LYAR: variants seen among roughly 807,000 people sequenced by gnomAD.
The protein encoded by LYAR is Ly1 antibody reactive, also known as cell growth-regulating nucleolar protein.
A neutral mutation model predicts 45.2 loss-of-function variants in LYAR; 37 were observed. That is an observed-to-expected ratio of 0.82 (90% CI 0.63 to 1.08). LYAR has a LOEUF of 1.08. Among genes scored for constraint, LYAR ranks in the 50% least tolerant of loss-of-function variants. The pLI, the probability that LYAR is intolerant of heterozygous loss-of-function variation, is 0.00. For missense variants in LYAR, 493 were observed against 451.0 expected (o/e 1.09, Z -0.84); for synonymous variants, 176 against 155.1 (o/e 1.14, Z -1.00).
chr4:4,280,120 G>A (rs988880949), intron 4 of LYAR, among the ~76,000 whole-genome samples: 3 of 152,280 alleles, frequency 2.0e-5, no homozygotes, highest in Admixed American at 1.3e-4. Context: ...AAATCAAGTT[G>A]CATTTTATAT....
chr4:4,283,691 C>T lies in LYAR; in HGVS notation c.52G>A (p.Val18Met). 1 of 1,612,576 alleles carries T rather than the reference C, an allele frequency of 6.2e-7. No homozygotes were observed. The highest frequency in any genetic ancestry group is 8.5e-7 in the Non-Finnish European group (1 of 1,179,522). Residue 18 changes from valine to methionine, a missense_variant, in exon 3 of 10, where the codon GTG becomes ATG. Coordinates refer to ENST00000343470, the MANE Select transcript of LYAR (RefSeq NM_017816.3). ...CTGCAAACAGACACATGCTTTTCCA[C>T]TTGTATTTTCTTCACTGATTCACCA... ...ACGESVKKIQ[V>M]EKHVSVCRNC... is the part of the protein sequence containing the mutation.
intron 8 of LYAR, among the ~76,000 whole-genome samples, chr4:4,272,383 C>T (rs1028630285): frequency 2.0e-5 from 3 of 152,180 alleles, no homozygotes; most frequent in African/African-American, 7.2e-5. Context: ...AGTTCCCAGA[C>T]CCCCAGTGGA....
intron 6 of LYAR, among the ~76,000 whole-genome samples, chr4:4,278,573 C>T (rs995442122): frequency 6.6e-6 from 1 of 152,172 alleles, no homozygotes. Flanking sequence ...CTGTGACCCC[C>T]TCACCCCTTA....
chr4:4,274,592 T>C lies in LYAR; in HGVS notation c.607A>G (p.Lys203Glu), dbSNP rs1263433529. The C allele has an allele frequency of 1.2e-6, 2 of 1,613,682 alleles. No homozygotes were observed. Among genetic ancestry groups the C allele is most frequent in the African/African-American group, 1.3e-5 (1 of 74,920 alleles). The change falls in exon 7 of 10, where the codon AAG becomes GAG. Residue 203 changes from lysine to glutamate, a missense_variant. By Grantham distance (56) the Lys-to-Glu change is moderately conservative. Coordinates refer to ENST00000343470, the MANE Select transcript of LYAR (RefSeq NM_017816.3). ...EERQKKRKRE[K>E]KELKLENHQE... ...TGGTTTTCTAACTTTAGTTCTTTCT[T>C]TTCTCTTTTCCTTTTCTTCTGCCGT...
chr4:4,283,533 G>T, intron 3 of LYAR, 88 bp downstream of exon 3: 1 of 1,351,260 alleles, frequency 7.4e-7, no homozygotes, highest in Non-Finnish European at 1.0e-6. Flanking sequence ...CTTCAAATTT[G>T]CCACTATTTT....
At chr4:4,283,956 C>A (rs1350208186) in intron 2 of LYAR, among the ~76,000 whole-genome samples, 161 bp from the exon 3 acceptor site, 1 of 152,206 alleles carries the variant, frequency 6.6e-6, no homozygotes. Context: ...GTAAAACTAA[C>A]ATTAACAATG....
Position 4,279,754 on chromosome 4 carries a change from A to G in LYAR, c.238-5T>C, listed in dbSNP as rs1560095535. 13 of 1,558,712 alleles carry G rather than the reference A, an allele frequency of 8.3e-6. No individual in the cohort carries two copies. In the South Asian group the frequency reaches 1.3e-4, roughly 15 times the overall value. On this transcript the variant is annotated splice_region_variant and splice_polypyrimidine_tract_variant and intron_variant, in intron 4 of 9. Coordinates refer to ENST00000343470, the MANE Select transcript of LYAR (RefSeq NM_017816.3). Reference sequence around the variant, plus strand: ...CTTTATTAATTCACTAATTTTCTACAAAAAGGGAAGAAAAAAGAAAAACTA... The same window carrying G: ...CTTTATTAATTCACTAATTTTCTACGAAAAGGGAAGAAAAAAGAAAAACTA...
At position 4,273,545 on chromosome 4, in the gene LYAR, TG is replaced by T. The variant is rs750692449; in HGVS notation, c.919+37del. 9 of 1,475,366 alleles carry T rather than the reference TG, an allele frequency of 6.1e-6. No individual in the cohort carries two copies. In the African/African-American group the frequency reaches 1.3e-4, roughly 21 times the overall value. 91.4% of individuals were successfully genotyped at this position (1,475,366 alleles called of 1,614,324 possible). On this transcript the variant is annotated intron_variant, in intron 8 of 9. Transcript: ENST00000343470. ...CTGGGACTATCAGCGAGAGCCGCTG[TG>T]CCCAGCCGTGCTCCTCAAATGACAG...
chr4:4,277,343 G>A (rs988154565), intron 6 of LYAR, among the ~76,000 whole-genome samples: 14 of 152,228 alleles, frequency 9.2e-5, no homozygotes, highest in East Asian at 1.9e-4. Context: ...CACTGTGCCC[G>A]CCATAAAATA....
intron 5 of LYAR, 27 bp from the exon 6 acceptor site, chr4:4,279,557 T>C: frequency 6.3e-7 from 1 of 1,576,116 alleles, no homozygotes; most frequent in East Asian, 2.2e-5. Flanking sequence ...GAAAAAGAAC[T>C]ATTGATCCCA....
Position 4,271,127 on chromosome 4 carries a change from T to C in LYAR, c.919+2456A>G, listed in dbSNP as rs141095076. 3.4e-3 allele frequency among the ~76,000 whole-genome samples: 517 copies of C among 152,276 alleles called. 4 individuals carry two copies. The highest frequency in any genetic ancestry group is 5.2e-3 in the Admixed American group (80 of 15,292). On this transcript the variant is annotated intron_variant, in intron 8 of 9. Transcript: ENST00000343470. ...GATCTTATTCATTCTATTTTCTTGA[T>C]ACCCATTAACCATCCCCACCTCTCC...
At chr4:4,288,206 C>T (rs1195145950) in intron 1 of LYAR, among the ~76,000 whole-genome samples, 2 of 152,140 alleles carry the variant, frequency 1.3e-5, no homozygotes, top group Admixed American at 6.5e-5. Flanking sequence ...AAGCTTCATC[C>T]CTGCCCAATT....
rs1719000683 is a variant in LYAR at position 4,272,946 on chromosome 4, CAGGAG to C, written c.919+632_919+636del. On this transcript the variant is annotated intron_variant, in intron 8 of 9. Transcript: ENST00000343470. ...TATGAGTGCTTCAGGCCTGAAGAAGCAGGAGAGAAGCTTTGTGTAAGAGACAGCAT... is the reference window on the plus strand; with the variant it reads ...TATGAGTGCTTCAGGCCTGAAGAAGCAGAAGCTTTGTGTAAGAGACAGCAT... 2.6e-5 allele frequency among the ~76,000 whole-genome samples: 4 copies of C among 152,230 alleles called. No homozygotes were observed. The South Asian group carries it at 8.3e-4, about 32-fold the overall frequency.
chr4:4,275,578 G>C (rs1462358530), intron 6 of LYAR, among the ~76,000 whole-genome samples: 1 of 151,902 alleles, frequency 6.6e-6, no homozygotes, highest in East Asian at 1.9e-4. Flanking sequence ...CCAAGTAGCT[G>C]GGACCACAGG....
At chr4:4,269,741 T>G (rs77381664) in intron 8 of LYAR, among the ~76,000 whole-genome samples, 1 of 151,992 alleles carries the variant, frequency 6.6e-6, no homozygotes, top group Non-Finnish European at 1.5e-5. Flanking sequence ...AACAACTAAC[T>G]CAAAATGGAT....
At chr4:4,280,084 T>G (rs143630276) in intron 4 of LYAR, among the ~76,000 whole-genome samples, 1 of 152,284 alleles carries the variant, frequency 6.6e-6, no homozygotes, top group East Asian at 1.9e-4. Flanking sequence ...TCCAGCAAAG[T>G]TGCAGGATAC....
intron 8 of LYAR, among the ~76,000 whole-genome samples, chr4:4,273,118 T>C (rs1240332565): frequency 6.6e-6 from 1 of 151,598 alleles, no homozygotes; most frequent in Admixed American, 6.6e-5. Flanking sequence ...GGCAAGAGAG[T>C]TGGGGAGGAG....
At chr4:4,271,847 C>T (rs1024009861) in intron 8 of LYAR, among the ~76,000 whole-genome samples, 2 of 152,146 alleles carry the variant, frequency 1.3e-5, no homozygotes, top group South Asian at 4.1e-4. Context: ...CCCAGGTGTC[C>T]CTCCACAGGT....
At chr4:4,275,280 T>C (rs1475632569) in intron 6 of LYAR, among the ~76,000 whole-genome samples, 2 of 152,184 alleles carry the variant, frequency 1.3e-5, no homozygotes, top group African/African-American at 2.4e-5. Flanking sequence ...CGAGGAAAGA[T>C]CCGTCATGTG....
Sources: allele counts gnomAD v4.1 joint callset (sites outside exome capture counted in the v4.1 genomes callset), GRCh38; gene constraint gnomAD v4.1.1; transcripts MANE v1.5; gene names NCBI Gene and HGNC (gene_info 2026-07-23, HGNC 2026-07-21).